ULK4: variants seen among roughly 807,000 people sequenced by gnomAD.
ULK4 encodes inactive serine/threonine-protein kinase ULK4.
A neutral mutation model predicts 160.6 loss-of-function variants in ULK4; 133 were observed. That is an observed-to-expected ratio of 0.83 (90% CI 0.72 to 0.96). ULK4 has a LOEUF of 0.96. ULK4 is among the 40% of genes least tolerant of loss of function. ULK4 has a pLI of 0.00. For missense variants in ULK4, 1,580 were observed against 1,499.5 expected, an observed-to-expected ratio of 1.05 and a Z score of -0.89; for synonymous variants, 534 against 539.8, an observed-to-expected ratio of 0.99 and a Z score of 0.15.
intron 35 of ULK4, among the ~76,000 whole-genome samples, chr3:41,314,433 T>C (rs1383884327): frequency 1.3e-5 from 2 of 152,176 alleles, no homozygotes; most frequent in East Asian, 1.9e-4. Flanking sequence ...CTCCCACTTA[T>C]GAGTTTGAAC....
intron 30 of ULK4, among the ~76,000 whole-genome samples, chr3:41,623,852 C>T (rs571161366): frequency 2.0e-5 from 3 of 152,234 alleles, no homozygotes; most frequent in South Asian, 2.1e-4. Context: ...AATGATAGCA[C>T]GTGAAGTGAT....
At chr3:41,677,332 AT>A (rs199498760) in intron 29 of ULK4, among the ~76,000 whole-genome samples, 4,871 of 128,360 alleles carry the variant, frequency 0.038, 60 homozygotes, top group East Asian at 0.096. Context: ...AAGTTCATTC[AT>A]TTTTTTTTTT....
intron 35 of ULK4, among the ~76,000 whole-genome samples, chr3:41,348,197 A>C (rs1290105049): frequency 7.3e-6 from 1 of 137,264 alleles, no homozygotes; most frequent in Non-Finnish European, 1.5e-5. Context: ...CAAAAAAGTA[A>C]CTCTGTCTCA....
intron 32 of ULK4, among the ~76,000 whole-genome samples, chr3:41,527,281 A>G (rs2086151722): frequency 1.3e-5 from 2 of 152,256 alleles, no homozygotes; most frequent in South Asian, 4.1e-4. Flanking sequence ...GAGCTGCCCA[A>G]GTACAAAGCA....
At chr3:41,464,006 T>TAAA (rs11395404) in intron 32 of ULK4, among the ~76,000 whole-genome samples, 32 of 144,650 alleles carry the variant, frequency 2.2e-4, no homozygotes, top group African/African-American at 7.3e-4. Flanking sequence ...TCAGATGTTC[T>TAAA]AAAAAAAAAA....
intron 35 of ULK4, chr3:41,278,203 T>TA (rs1477968433): frequency 6.6e-6 from 1 of 152,294 alleles, no homozygotes; most frequent in African/African-American, 2.4e-5. Flanking sequence ...AGCGCAGCAG[T>TA]CTGGGATCAA....
rs543763064 is a variant in ULK4 at position 41,737,151 on chromosome 3, G to A, written c.2321+17210C>T. 4.5e-4 allele frequency among the ~76,000 whole-genome samples: 68 copies of A among 151,976 alleles called. 1 individual carries two copies. The highest frequency in any genetic ancestry group is 1.5e-3 in the African/African-American group (63 of 41,302). On this transcript the variant is annotated intron_variant, in intron 22 of 36. Transcript: ENST00000301831. Reference sequence around the variant, plus strand: ...TGATGCCTCCAGCTTAAGCTGATAAGAAACTTCAGCAAAGTCTCAGGATAC... The same window carrying A: ...TGATGCCTCCAGCTTAAGCTGATAAAAAACTTCAGCAAAGTCTCAGGATAC...
intron 35 of ULK4, among the ~76,000 whole-genome samples, chr3:41,335,765 T>C (rs757178570): frequency 1.3e-5 from 2 of 152,102 alleles, no homozygotes; most frequent in Non-Finnish European, 2.9e-5. Context: ...TTTTTAAATA[T>C]CACCAAAATT....
intron 17 of ULK4, among the ~76,000 whole-genome samples, chr3:41,869,392 T>G (rs1301594165): frequency 6.6e-6 from 1 of 151,888 alleles, no homozygotes; most frequent in Non-Finnish European, 1.5e-5. Context: ...CTGGCCAACA[T>G]GATGAAACCC....
intron 29 of ULK4, among the ~76,000 whole-genome samples, chr3:41,680,659 T>A (rs919378927): frequency 6.6e-6 from 1 of 152,184 alleles, no homozygotes; most frequent in East Asian, 1.9e-4. Flanking sequence ...TAATTTTTTT[T>A]AAATGAGAAC....
At chr3:41,773,979 C>T (rs1457509643) in intron 21 of ULK4, among the ~76,000 whole-genome samples, 12 of 152,242 alleles carry the variant, frequency 7.9e-5, no homozygotes, top group Non-Finnish European at 1.5e-4. Context: ...GAAAAGGATT[C>T]CCTATTTAAT....
chr3:41,956,617 T>C (rs1048956705), intron 1 of ULK4, among the ~76,000 whole-genome samples: 2 of 151,926 alleles, frequency 1.3e-5, no homozygotes, highest in African/African-American at 4.8e-5. Flanking sequence ...TTATTAATTA[T>C]GAGAAGTAAA....
intron 34 of ULK4, among the ~76,000 whole-genome samples, chr3:41,436,709 C>A (rs2083045484): frequency 1.3e-5 from 2 of 152,168 alleles, no homozygotes; most frequent in African/African-American, 4.8e-5. Context: ...TGGGACCGAG[C>A]AACCACGTCC....
At chr3:41,403,485 C>T (rs865775880) in intron 34 of ULK4, among the ~76,000 whole-genome samples, 18 of 152,218 alleles carry the variant, frequency 1.2e-4, no homozygotes, top group Middle Eastern at 3.4e-3. Context: ...CTTCTCTCTT[C>T]TTTGTCAGTT....
chr3:41,788,508 C>A (rs1206435167), intron 21 of ULK4, among the ~76,000 whole-genome samples: 2 of 151,988 alleles, frequency 1.3e-5, no homozygotes, highest in African/African-American at 4.8e-5. Context: ...CACGGTGAAA[C>A]CCCGTCTCTA....
intron 35 of ULK4, among the ~76,000 whole-genome samples, chr3:41,302,901 ATCTAC>A (rs2079827798): frequency 6.6e-6 from 1 of 152,170 alleles, no homozygotes; most frequent in Non-Finnish European, 1.5e-5. Flanking sequence ...AATCTAAATG[ATCTAC>A]TCTAATTCAA....
intron 34 of ULK4, among the ~76,000 whole-genome samples, chr3:41,445,134 A>G (rs1322813634): frequency 1.4e-4 from 21 of 152,168 alleles, no homozygotes; most frequent in African/African-American, 4.1e-4. Context: ...TTGCTTCAAA[A>G]AGGATAAAAT....
chr3:41,284,752 TA>T (rs1200917319), intron 35 of ULK4, among the ~76,000 whole-genome samples: 1 of 152,076 alleles, frequency 6.6e-6, no homozygotes, highest in African/African-American at 2.4e-5. Context: ...AGCTGGGACT[TA>T]ATTAAACTAA....
chr3:41,800,332 A>G (rs1047757143), intron 19 of ULK4, 39 bp from the exon 20 acceptor site: 1 of 1,549,944 alleles, frequency 6.5e-7, no homozygotes, highest in East Asian at 2.3e-5. Context: ...TAGTGTGAGA[A>G]ATAAATACAT....
Sources: gnomAD v4.1 joint callset for allele counts (sites outside exome capture counted in the v4.1 genomes callset) on GRCh38, gnomAD v4.1.1 for gene constraint, MANE v1.5 for transcripts, NCBI Gene and HGNC (gene_info 2026-07-23, HGNC 2026-07-21) for gene names.